The following ITFG2 variants were observed in gnomAD, a reference collection of about 807,000 sequenced individuals.
ITFG2 encodes integrin alpha FG-GAP repeat containing 2.
ITFG2 carries 36 observed loss-of-function variants against 54.4 expected under a neutral mutation model. That is an observed-to-expected ratio of 0.66 (90% confidence interval 0.51 to 0.87). The LOEUF is 0.87. Ranked by LOEUF, ITFG2 falls within the 40% of genes least tolerant of loss-of-function variation. The probability of loss-of-function intolerance (pLI) is 0.00; values close to 1 mark genes in which losing one functional copy is unlikely to be tolerated. For missense variants in ITFG2, 524 were observed against 576.7 expected (o/e 0.91, Z 0.94); for synonymous variants, 211 against 225.4 (o/e 0.94, Z 0.57).
At chr12:2,859,715 CA>C in exon 4 of ITFG2, 1 of 1,342,428 alleles carries the variant, frequency 7.4e-7, no homozygotes, top group Non-Finnish European at 1.0e-6. Flanking sequence ...ACAGGACGCA[CA>C]AAAATATCAC....
chr12:2,812,924 G>A (rs2097912573), intron 1 of ITFG2, 68 bp downstream of exon 1: 2 of 1,364,990 alleles, frequency 1.5e-6, no homozygotes, highest in Non-Finnish European at 2.1e-6. Flanking sequence ...AAGTGGAAGA[G>A]GCCGCCCGAG....
chr12:2,833,636 G>A (rs374684754), upstream of ITFG2, among the ~76,000 whole-genome samples: 6 of 152,238 alleles, frequency 3.9e-5, no homozygotes, highest in South Asian at 2.1e-4. Context: ...ACAGGGAACC[G>A]AGTGCTCCCA....
intron 3 of ITFG2, chr12:2,858,403 T>G (rs2098096114): frequency 1.6e-5 from 8 of 504,848 alleles, no homozygotes; most frequent in Non-Finnish European, 2.5e-5. Context: ...TTGCCTTTGT[T>G]GTTCCCACCC....
downstream of ITFG2, among the ~76,000 whole-genome samples, chr12:2,831,133 G>A (rs986155566): frequency 2.6e-5 from 4 of 152,020 alleles, no homozygotes; most frequent in Admixed American, 6.5e-5. Flanking sequence ...CTTAGTAGCC[G>A]AAGGGACATT....
At position 2,817,967 on chromosome 12, in the gene ITFG2, A is replaced by G. The variant is rs201264243; in HGVS notation, c.234+17A>G. On this transcript the variant is annotated intron_variant, in intron 3 of 11. Coordinates refer to ENST00000228799, the MANE Select transcript of ITFG2 (RefSeq NM_018463.4). ...AAAGGAAAGGTAAGAACTATAGGGG[A>G]CCTTCCTTGGTTCTTAGCTCACAGT... 2 of 1,612,960 alleles carry G rather than the reference A, an allele frequency of 1.2e-6. No individual in the cohort carries two copies. Among genetic ancestry groups the G allele is most frequent in the Non-Finnish European group, 1.7e-6 (2 of 1,179,462 alleles).
At chr12:2,840,423 C>T (rs150834685) in intron 1 of ITFG2, among the ~76,000 whole-genome samples, 4,587 of 149,870 alleles carry the variant, frequency 0.031, 216 homozygotes, top group African/African-American at 0.11. Flanking sequence ...GTCACTGCAC[C>T]CCAGCCTGGG....
chr12:2,839,540 A>C (rs933851631), intron 1 of ITFG2, among the ~76,000 whole-genome samples: 7 of 152,230 alleles, frequency 4.6e-5, no homozygotes, highest in Admixed American at 1.3e-4. Flanking sequence ...CCTTCGCTGC[A>C]TTGGTTCTTC....
At chr12:2,833,041 G>A (rs965063008), upstream of ITFG2, among the ~76,000 whole-genome samples, 3 of 151,894 alleles carry the variant, frequency 2.0e-5, no homozygotes, top group Non-Finnish European at 2.9e-5. Flanking sequence ...TTGCTCCTCA[G>A]CCATCCCAGG....
downstream of ITFG2, chr12:2,827,881 A>G (rs1255163743): frequency 3.1e-6 from 5 of 1,612,846 alleles, no homozygotes; most frequent in East Asian, 4.5e-5. The surrounding 1 kb of genome is among the most constrained non-coding windows in gnomAD (Gnocchi z 4.0). Flanking sequence ...CCCCAAAGAG[A>G]AAGGTGAGGT....
intron 2 of ITFG2, among the ~76,000 whole-genome samples, chr12:2,851,739 C>T (rs1332233938): frequency 3.3e-5 from 5 of 152,068 alleles, no homozygotes; most frequent in African/African-American, 9.7e-5. Flanking sequence ...AATGCAGTGG[C>T]GTGATCTCAG....
chr12:2,821,882 AG>A, intron 9 of ITFG2, 90 bp downstream of exon 9: 1 of 934,186 alleles, frequency 1.1e-6, no homozygotes, highest in East Asian at 2.4e-5. Context: ...CTCACATCCC[AG>A]GGAACTCCCA....
chr12:2,818,506 AAAC>A, intron 4 of ITFG2: 1 of 729,442 alleles, frequency 1.4e-6, no homozygotes, highest in Non-Finnish European at 2.1e-6. Flanking sequence ...AACAGAAAAG[AAAC>A]AATATAGGCT....
intron 2 of ITFG2, chr12:2,855,139 G>C: frequency 1.3e-6 from 2 of 1,531,294 alleles, no homozygotes; most frequent in South Asian, 2.4e-5. Context: ...GTGGGCATTG[G>C]AGTCGGTCAG....
intron 2 of ITFG2, among the ~76,000 whole-genome samples, chr12:2,843,995 C>T (rs938414055): frequency 6.7e-6 from 1 of 148,530 alleles, no homozygotes; most frequent in Non-Finnish European, 1.5e-5. Flanking sequence ...CATGGTGGCT[C>T]ACGCCTGTAA....
intron 1 of ITFG2, among the ~76,000 whole-genome samples, chr12:2,815,239 G>A (rs1179793183): frequency 6.6e-6 from 1 of 152,210 alleles, no homozygotes; most frequent in Non-Finnish European, 1.5e-5. Context: ...AATTTCTTGA[G>A]AGTATTAGTT....
At chr12:2,859,765 TA>T in exon 4 of ITFG2, 3 of 809,904 alleles carry the variant, frequency 3.7e-6, no homozygotes, top group Non-Finnish European at 5.7e-6. Context: ...TTTGAAGTCT[TA>T]AAATCTATTA....
intron 2 of ITFG2, chr12:2,855,114 C>G (rs996339409): frequency 2.8e-5 from 43 of 1,533,982 alleles, no homozygotes; most frequent in Middle Eastern, 3.3e-4. Flanking sequence ...TGGGGTGCTC[C>G]GTGGGGGGGC....
upstream of ITFG2, chr12:2,834,491 T>G: frequency 2.4e-5 from 27 of 1,119,392 alleles, no homozygotes; most frequent in Non-Finnish European, 3.1e-5. Flanking sequence ...TGAAGAGCCT[T>G]GAGTTGGCAG....
At position 2,822,819 on chromosome 12, in the gene ITFG2, C is replaced by T; in HGVS notation, c.974C>T (p.Ala325Val). ...GGCAACGGGCATGAGGAGGTAGTTGCATGCGCCTGGGATGGACAGACATAT... is the reference window on the plus strand; with the variant it reads ...GGCAACGGGCATGAGGAGGTAGTTGTATGCGCCTGGGATGGACAGACATAT... The part of the protein sequence containing the change: ...VTGNGHEEVV[A>V]CAWDGQTYII... The change falls in exon 10 of 12, where the codon GCA becomes GTA. Residue 325 changes from alanine to valine, a missense_variant. Transcript: ENST00000228799. 1 of 1,614,162 alleles carries T rather than the reference C, an allele frequency of 6.2e-7. No individual in the cohort carries two copies. Among genetic ancestry groups the T allele is most frequent in the Non-Finnish European group, 8.5e-7 (1 of 1,180,006 alleles).
Sources: gnomAD v4.1 joint callset for allele counts (sites outside exome capture counted in the v4.1 genomes callset) on GRCh38, gnomAD v4.1.1 for gene constraint, Gnocchi (gnomAD v3.1) non-coding constraint, MANE v1.5 for transcripts, NCBI Gene and HGNC (gene_info 2026-07-23, HGNC 2026-07-21) for gene names.